The following DFFA variants were observed in gnomAD, a reference collection of about 807,000 sequenced individuals.
DFFA encodes DNA fragmentation factor subunit alpha.
A neutral mutation model predicts 28.0 loss-of-function variants in DFFA; 14 were observed. That is an observed-to-expected ratio of 0.50 (90% CI 0.33 to 0.78). The LOEUF (loss-of-function observed/expected upper bound fraction) is 0.78, where lower values mean the gene tolerates loss of function less well. Ranked by LOEUF, DFFA falls within the 30% of genes least tolerant of loss-of-function variation. The pLI, the probability that DFFA is intolerant of heterozygous loss-of-function variation, is 0.02. For missense variants in DFFA, 395 were observed against 407.1 expected (o/e 0.97, Z 0.26); for synonymous variants, 158 against 170.3 (o/e 0.93, Z 0.56).
chr1:10,461,951 T>A, intron 5 of DFFA: 1 of 710,064 alleles, frequency 1.4e-6, no homozygotes, highest in Non-Finnish European at 1.7e-6. Flanking sequence ...GCCTCCCGGA[T>A]TCACGCCATT....
chr1:10,469,628 T>G (rs1040324521), intron 1 of DFFA, among the ~76,000 whole-genome samples: 3 of 152,030 alleles, frequency 2.0e-5, no homozygotes, highest in Non-Finnish European at 2.9e-5. Context: ...TCAAGTGATT[T>G]TCCTGCCTCA....
At chr1:10,461,886 G>T (rs1054356559) in intron 5 of DFFA, 184 bp from the exon 6 acceptor site, 2 of 981,696 alleles carry the variant, frequency 2.0e-6, no homozygotes, top group Admixed American at 6.2e-5. Flanking sequence ...ACGGAGTCTC[G>T]CTCTGTCACC....
At position 10,459,268 on chromosome 1, in the gene DFFA, T is replaced by C. The variant is rs1640896909; in HGVS notation, c.*2222A>G. On this transcript the variant is annotated 3_prime_UTR_variant, in exon 6 of 6. Coordinates refer to ENST00000377038, the MANE Select transcript of DFFA (RefSeq NM_004401.3). The stretch of plus-strand genomic sequence containing the variant: ...TAAGTCCATGATGACTCATCACCTT[T>C]TCCCTGCAAGGAGTGTACTGTAGAT... The C allele has an allele frequency of 6.6e-6, 1 of 152,244 alleles. No homozygotes were observed. The highest frequency in any genetic ancestry group is 2.4e-5 in the African/African-American group (1 of 41,462). 9.4% of individuals were successfully genotyped at this position (152,244 alleles called of 1,614,324 possible).
chr1:10,463,676 T>G, intron 3 of DFFA, 56 bp from the exon 4 acceptor site: 1 of 1,538,588 alleles, frequency 6.5e-7, no homozygotes, highest in Non-Finnish European at 8.7e-7. Flanking sequence ...ACTTTCTTTT[T>G]TTTTTTTGAG....
In DFFA at chr1:10,456,743, G is replaced by A. The variant is rs1024718787; in HGVS notation, c.*4747C>T. Reference sequence around the variant, plus strand: ...CTCCTGTCAAAGCCAGTTGCCTCATGAGGACCGACATTTGACTTAAGCTGA... The same window carrying A: ...CTCCTGTCAAAGCCAGTTGCCTCATAAGGACCGACATTTGACTTAAGCTGA... On this transcript the variant is annotated 3_prime_UTR_variant, in exon 6 of 6. Coordinates refer to ENST00000377038, the MANE Select transcript of DFFA (RefSeq NM_004401.3). 4.6e-5 allele frequency: 7 copies of A among 152,176 alleles called. No individual in the cohort carries two copies. Among genetic ancestry groups the A allele is most frequent in the Admixed American group, 1.3e-4 (2 of 15,272 alleles). 9.4% of individuals were successfully genotyped at this position (152,176 alleles called of 1,614,324 possible).
intron 2 of DFFA, 69 bp from the exon 3 acceptor site, chr1:10,467,401 CA>C: frequency 6.5e-7 from 1 of 1,531,084 alleles, no homozygotes; most frequent in African/African-American, 1.4e-5. Context: ...TCCCCCAGCA[CA>C]CACAGACCTC....
Position 10,461,117 on chromosome 1 carries a change from A to G in DFFA, c.*373T>C, listed in dbSNP as rs533569552. ...AGTAGAGACAGGGTTTCACCATGTTAGCCAGGATGGTCTCGATCTCCTGAC... is the reference window on the plus strand; with the variant it reads ...AGTAGAGACAGGGTTTCACCATGTTGGCCAGGATGGTCTCGATCTCCTGAC... On this transcript the variant is annotated 3_prime_UTR_variant, in exon 6 of 6. Transcript: ENST00000377038. 3.3e-4 allele frequency: 59 copies of G among 176,212 alleles called. No homozygotes were observed. In the Middle Eastern group the frequency reaches 0.011, roughly 34 times the overall value. 10.9% of individuals were successfully genotyped at this position (176,212 alleles called of 1,614,324 possible).
At chr1:10,465,243 C>T (rs764435535) in intron 3 of DFFA, among the ~76,000 whole-genome samples, 6 of 151,946 alleles carry the variant, frequency 3.9e-5, no homozygotes, top group Admixed American at 6.6e-5. Context: ...TACAGGCACA[C>T]GCCATCACGC....
At chr1:10,462,403 ATT>A (rs1199863590) in intron 5 of DFFA, 1 of 986,672 alleles carries the variant, frequency 1.0e-6, no homozygotes, top group Non-Finnish European at 1.2e-6. Context: ...AAGTACTGGC[ATT>A]AACAGGCGTA....
At chr1:10,463,973 C>G (rs2124341722) in intron 3 of DFFA, among the ~76,000 whole-genome samples, 1 of 150,928 alleles carries the variant, frequency 6.6e-6, no homozygotes, top group South Asian at 2.1e-4. Flanking sequence ...CCTACAAGGA[C>G]TTTCTAAACA....
chr1:10,463,109 T>C lies in DFFA; in HGVS notation c.732A>G (p.Ala244=). ...GCTCTGGAGCCTGCTTCTCCCTCAG[T>C]GCAGTAAGGATGTGGCTCGCCAGCG... ...DVALASHILT[A]LREKQAPELS... The change falls in exon 5 of 6, where the codon GCA becomes GCG. Residue 244 remains alanine (A), a synonymous_variant. Transcript: ENST00000377038. 1 of 1,614,104 alleles carries C rather than the reference T, an allele frequency of 6.2e-7. No homozygotes were observed. Among genetic ancestry groups the C allele is most frequent in the Non-Finnish European group, 8.5e-7 (1 of 1,180,022 alleles).
At position 10,472,403 on chromosome 1, in the gene DFFA, T is replaced by A; in HGVS notation, c.56A>T (p.Lys19Met). The change falls in exon 1 of 6, where the codon AAG becomes ATG. Residue 19 changes from lysine to methionine, a missense_variant. Coordinates refer to ENST00000377038, the MANE Select transcript of DFFA (RefSeq NM_004401.3). This position sits in a 1 kb window ranked among gnomAD's most constrained non-coding sequence, Gnocchi z 5.0. Reference protein sequence around the residue: ...VPESGEIRTLKPCLLRRNYSR... With the variant: ...VPESGEIRTLMPCLLRRNYSR... ...GTAGTTGCGGCGCAGCAGACACGGC[T>A]TTAGAGTCCGGATCTCGCCAGATTC... 6.2e-7 allele frequency: 1 copy of A among 1,612,438 alleles called. No individual in the cohort carries two copies. The highest frequency in any genetic ancestry group is 2.2e-5 in the East Asian group (1 of 44,718).
In DFFA at chr1:10,458,220, G is replaced by GAAACA. The variant is rs1280400165; in HGVS notation, c.*3265_*3269dup. On this transcript the variant is annotated 3_prime_UTR_variant, in exon 6 of 6. Transcript: ENST00000377038. ...TGTGTAAGTGCAAGCATCTGACAGT[G>GAAACA]AAACACACACCACTTTGTTGGAAAT... 6.6e-6 allele frequency: 1 copy of GAAACA among 152,200 alleles called. No individual in the cohort carries two copies. Among genetic ancestry groups the GAAACA allele is most frequent in the Admixed American group, 6.6e-5 (1 of 15,260 alleles). 9.4% of individuals were successfully genotyped at this position (152,200 alleles called of 1,614,324 possible).
intron 5 of DFFA, among the ~76,000 whole-genome samples, chr1:10,462,051 G>C (rs1295059941): frequency 6.6e-6 from 1 of 152,160 alleles, no homozygotes; most frequent in Admixed American, 6.5e-5. Context: ...GTAGAGACGG[G>C]GTTTCACCGT....
rs1392996464 is a variant in DFFA at position 10,459,787 on chromosome 1, C to T, written c.*1703G>A. On this transcript the variant is annotated 3_prime_UTR_variant, in exon 6 of 6. Coordinates refer to ENST00000377038, the MANE Select transcript of DFFA (RefSeq NM_004401.3). The stretch of plus-strand genomic sequence containing the variant: ...TATCATCCAGGCTGGAGTATGGTGG[C>T]ATGATCAGCCTTGAGCTCCTGGGCT... The T allele has an allele frequency of 2.7e-5, 4 of 150,938 alleles. No homozygotes were observed. Among genetic ancestry groups the T allele is most frequent in the Non-Finnish European group, 5.9e-5 (4 of 67,878 alleles). The allele number at this position is 150,938 out of a possible 1,614,324, so 9.3% of individuals were successfully genotyped here. A position where few individuals can be genotyped will look rare whatever the true frequency, so the allele number is the denominator to read the frequency against.
At chr1:10,461,777 G>A (rs1338204296) in intron 5 of DFFA, 75 bp from the exon 6 acceptor site, 31 of 1,578,476 alleles carry the variant, frequency 2.0e-5, no homozygotes, top group Non-Finnish European at 2.7e-5. Flanking sequence ...ACTCTCTTTT[G>A]GGGAGTGCAA....
chr1:10,462,650 C>G (rs1398847933), intron 5 of DFFA: 35 of 1,017,106 alleles, frequency 3.4e-5, no homozygotes, highest in Non-Finnish European at 3.5e-5. Flanking sequence ...AAGTTTTTAG[C>G]TCCCTGGTCT....
chr1:10,470,464 G>GC, intron 1 of DFFA, among the ~76,000 whole-genome samples: 1 of 129,530 alleles, frequency 7.7e-6, no homozygotes, highest in African/African-American at 3.0e-5. Context: ...TCACTCTGTC[G>GC]CCCAGGCTGG....
Position 10,460,480 on chromosome 1 carries a change from CGGCCTCCAAAGTGCTG to C in DFFA, c.*994_*1009del, listed in dbSNP as rs935767414. On this transcript the variant is annotated 3_prime_UTR_variant, in exon 6 of 6. Coordinates refer to ENST00000377038, the MANE Select transcript of DFFA (RefSeq NM_004401.3). ...CTGACCTCATGTGATCCGCCTGCAT[CGGCCTCCAAAGTGCTG>C]GGATCAAAGGTGTGAGCCACTGTCG... The C allele has an allele frequency of 6.7e-6, 1 of 149,324 alleles. No homozygotes were observed. The highest frequency in any genetic ancestry group is 6.7e-5 in the Admixed American group (1 of 14,820). 9.2% of individuals were successfully genotyped at this position (149,324 alleles called of 1,614,324 possible). A position where few individuals can be genotyped will look rare whatever the true frequency, so the allele number is the denominator to read the frequency against.
Sources: allele counts gnomAD v4.1 joint callset (sites outside exome capture counted in the v4.1 genomes callset), GRCh38; gene constraint gnomAD v4.1.1; non-coding constraint Gnocchi (gnomAD v3.1); transcripts MANE v1.5; gene names NCBI Gene and HGNC (gene_info 2026-07-23, HGNC 2026-07-21).